SPATA6: variants seen among roughly 807,000 people sequenced by gnomAD.
SPATA6 encodes spermatogenesis-associated protein 6.
In SPATA6, 56 loss-of-function variants were observed where a neutral mutation model predicts 65.3. That is an observed-to-expected ratio of 0.86 (90% confidence interval 0.69 to 1.07). SPATA6 has a LOEUF of 1.07. Ranked by LOEUF, SPATA6 falls within the 50% of genes least tolerant of loss-of-function variation. SPATA6 has a pLI of 0.00. For synonymous variants in SPATA6, 199 were observed against 213.2 expected (o/e 0.93, Z 0.58); for missense variants, 590 against 594.8 (o/e 0.99, Z 0.08).
intron 11 of SPATA6, among the ~76,000 whole-genome samples, chr1:48,353,442 A>G (rs968601917): frequency 4.0e-5 from 6 of 151,534 alleles, no homozygotes; most frequent in African/African-American, 1.5e-4. Context: ...TTGAAAAAAA[A>G]AAAACTCACG....
intron 9 of SPATA6, 34 bp from the exon 10 acceptor site, chr1:48,359,804 AATACAG>A: frequency 2.0e-6 from 3 of 1,489,808 alleles, no homozygotes; most frequent in Non-Finnish European, 2.7e-6. Context: ...TAGATATACA[AATACAG>A]ATACATATGT....
Position 48,296,128 on chromosome 1 carries a change from T to C in SPATA6, c.*2585A>G, listed in dbSNP as rs1473985832. ...TATTTATCTTTCATATTAACTCCAA[T>C]AATTATTTCTAGATTTGTGGGAAAT... On this transcript the variant is annotated 3_prime_UTR_variant, in exon 13 of 13. Coordinates refer to ENST00000371847, the MANE Select transcript of SPATA6 (RefSeq NM_019073.4). The C allele has an allele frequency of 6.6e-6, 1 of 151,444 alleles. No individual in the cohort carries two copies. The highest frequency in any genetic ancestry group is 1.9e-4 in the East Asian group (1 of 5,184). 9.4% of individuals were successfully genotyped at this position (151,444 alleles called of 1,614,324 possible).
chr1:48,415,224 T>C (rs1477654584), intron 3 of SPATA6, among the ~76,000 whole-genome samples: 4 of 152,216 alleles, frequency 2.6e-5, no homozygotes, highest in Non-Finnish European at 5.9e-5. Context: ...ACAAGGGTGA[T>C]GACAGTCCAA....
At chr1:48,304,271 T>C (rs2148650152) in intron 12 of SPATA6, among the ~76,000 whole-genome samples, 1 of 152,294 alleles carries the variant, frequency 6.6e-6, no homozygotes, top group East Asian at 1.9e-4. Flanking sequence ...GCAGCAAAGA[T>C]TATAAAGTGA....
intron 9 of SPATA6, among the ~76,000 whole-genome samples, chr1:48,363,442 A>C (rs1264467032): frequency 6.6e-6 from 1 of 152,180 alleles, no homozygotes; most frequent in Non-Finnish European, 1.5e-5. Flanking sequence ...CATTTACCCT[A>C]TTAAGGCTTT....
intron 11 of SPATA6, among the ~76,000 whole-genome samples, chr1:48,349,874 G>T (rs1646469802): frequency 6.6e-6 from 1 of 151,774 alleles, no homozygotes. Flanking sequence ...ACCAATGAAG[G>T]GCATCTCTGT....
chr1:48,295,032 TA>T (rs747942318), downstream of SPATA6, among the ~76,000 whole-genome samples: 100 of 152,328 alleles, frequency 6.6e-4, no homozygotes, highest in Non-Finnish European at 8.1e-4. Flanking sequence ...TACATTTTTA[TA>T]TACCCTCTAT....
chr1:48,268,439 T>C, the SPATA6 span, among the ~76,000 whole-genome samples: 1 of 152,112 alleles, frequency 6.6e-6, no homozygotes, highest in African/African-American at 2.4e-5. Flanking sequence ...GAAACATTCA[T>C]CTGGCTGAGC....
chr1:48,448,276 G>A (rs1240256140), intron 3 of SPATA6, among the ~76,000 whole-genome samples: 6 of 144,250 alleles, frequency 4.2e-5, no homozygotes, highest in Non-Finnish European at 6.1e-5. Context: ...AAAAAAAAAA[G>A]GAGAAGCTGA....
intron 5 of SPATA6, among the ~76,000 whole-genome samples, chr1:48,407,017 C>T (rs1319375522): frequency 6.6e-6 from 1 of 152,152 alleles, no homozygotes; most frequent in African/African-American, 2.4e-5. Flanking sequence ...AGCATTTTTC[C>T]TATTCGTATT....
intron 8 of SPATA6, among the ~76,000 whole-genome samples, chr1:48,394,983 T>G (rs1650441061): frequency 6.6e-6 from 1 of 151,972 alleles, no homozygotes; most frequent in African/African-American, 2.4e-5. Context: ...AGTAAATTAA[T>G]CAAGTCATTT....
chr1:48,440,694 T>C (rs1222793124), intron 3 of SPATA6, among the ~76,000 whole-genome samples: 1 of 152,150 alleles, frequency 6.6e-6, no homozygotes. Context: ...CGAGTGGCTA[T>C]GGGAGGCCTT....
intron 11 of SPATA6, 146 bp from the exon 12 acceptor site, chr1:48,306,024 G>GA: frequency 1.7e-6 from 1 of 603,952 alleles, no homozygotes. Flanking sequence ...TCTTTGGGGG[G>GA]AAAAAGGTTA....
chr1:48,267,953 G>A, the SPATA6 span, among the ~76,000 whole-genome samples: 16 of 151,698 alleles, frequency 1.1e-4, no homozygotes, highest in South Asian at 1.2e-3. Context: ...GGGTTTCACC[G>A]TGTTAGCCAG....
At chr1:48,404,584 C>T (rs909470731) in intron 5 of SPATA6, among the ~76,000 whole-genome samples, 4 of 152,078 alleles carry the variant, frequency 2.6e-5, no homozygotes, top group Non-Finnish European at 5.9e-5. Context: ...CTCAAGCAAT[C>T]CTCCTGCCTC....
chr1:48,336,354 C>G (rs1646059799), intron 11 of SPATA6, among the ~76,000 whole-genome samples: 2 of 151,970 alleles, frequency 1.3e-5, no homozygotes, highest in Admixed American at 6.6e-5. Flanking sequence ...GCACCATTCA[C>G]AATAGCAAAG....
At chr1:48,299,516 G>GGAAAAAAAAAAAAAAAAAAAAAAA (rs761355984) in intron 12 of SPATA6, among the ~76,000 whole-genome samples, 1 of 38,188 alleles carries the variant, frequency 2.6e-5, no homozygotes, top group Non-Finnish European at 4.8e-5. Flanking sequence ...CTCCGTCTCG[G>GGAAAAAAAAAAAAAAAAAAAAAAA]AAAAAAAAAA....
At chr1:48,466,828 A>G (rs1359944136) in intron 1 of SPATA6, among the ~76,000 whole-genome samples, 1 of 152,140 alleles carries the variant, frequency 6.6e-6, no homozygotes, top group Non-Finnish European at 1.5e-5. Context: ...GAAAGAAGCC[A>G]GATCTGTCTG....
chr1:48,369,851 A>G (rs1337515774), intron 9 of SPATA6, among the ~76,000 whole-genome samples: 1 of 152,172 alleles, frequency 6.6e-6, no homozygotes, highest in Non-Finnish European at 1.5e-5. Context: ...AAATGCAGAA[A>G]TCACCCATTT....
Sources: allele counts gnomAD v4.1 joint callset (sites outside exome capture counted in the v4.1 genomes callset), GRCh38; gene constraint gnomAD v4.1.1; transcripts MANE v1.5; gene names NCBI Gene and HGNC (gene_info 2026-07-23, HGNC 2026-07-21).